Variants in KIF27 observed in about 807,000 individuals in gnomAD.
KIF27 encodes the protein kinesin family member 27.
Under a neutral mutation model 141.8 loss-of-function variants are expected in KIF27, and 84 were observed. The observed-to-expected ratio is 0.59, with a 90% CI of 0.50 to 0.71. KIF27 has a LOEUF of 0.71. Ranked by LOEUF, KIF27 falls within the 30% of genes least tolerant of loss-of-function variation. The pLI is 0.00. For missense variants in KIF27, 1,306 were observed against 1,628.4 expected (o/e 0.80, Z 3.41); for synonymous variants, 471 against 569.5 (o/e 0.83, Z 2.46).
chr9:83,860,197 A>G (rs1049763015), intron 13 of KIF27: 4 of 152,192 alleles, frequency 2.6e-5, no homozygotes, highest in African/African-American at 9.6e-5. Context: ...TTATTTGTAT[A>G]TACTACCATA....
At position 83,853,691 on chromosome 9, in the gene KIF27, C is replaced by T; in HGVS notation, c.3295G>A (p.Glu1099Lys). The T allele has an allele frequency of 6.2e-7, 1 of 1,613,872 alleles. No individual in the cohort carries two copies. Among genetic ancestry groups the T allele is most frequent in the Non-Finnish European group, 8.5e-7 (1 of 1,179,812 alleles). Residue 1099 changes from glutamate to lysine, a missense_variant, in exon 15 of 18, where the codon GAA becomes AAA. This residue lies in a region of KIF27 where 596 missense variants were observed against 751.6 expected (regional missense o/e 0.79). Coordinates refer to ENST00000297814, the MANE Select transcript of KIF27 (RefSeq NM_017576.4). ...ACAGGACTCAGGCAAGCTAGCTTTTCCAAGACATTTGCTTCACCACGAGAG... is the reference window on the plus strand; with the variant it reads ...ACAGGACTCAGGCAAGCTAGCTTTTTCAAGACATTTGCTTCACCACGAGAG... ...NLSRGEANVLEKLACLSPVEI... is the reference protein window; with the variant it reads ...NLSRGEANVLKKLACLSPVEI...
intron 2 of KIF27, among the ~76,000 whole-genome samples, chr9:83,908,922 T>G (rs1383863655): frequency 6.6e-6 from 1 of 152,012 alleles, no homozygotes; most frequent in Non-Finnish European, 1.5e-5. Flanking sequence ...ACCAGGCTAT[T>G]ATAACTCTTT....
rs184212344 is a variant in KIF27, at chr9:83,915,354, C to G, written c.238G>C (p.Val80Leu). The G allele has an allele frequency of 5.4e-5, 87 of 1,613,778 alleles. 1 individual carries two copies. The highest frequency in any genetic ancestry group is 3.3e-5 in the Non-Finnish European group (39 of 1,179,786). ...LSLIEGYNATVFAYGQTGSGK... is the reference protein window; with the variant it reads ...LSLIEGYNATLFAYGQTGSGK... The stretch of plus-strand genomic sequence containing the variant: ...GATCCAGTTTGTCCATAGGCAAAAA[C>G]AGTTGCATTATAGCCCTCAATGAGT... The change falls in exon 2 of 18, where the codon GTT (valine) becomes CTT (leucine). Residue 80 changes from valine (V) to leucine (L), a missense_variant. By Grantham distance (32) the Val-to-Leu change is conservative. Coordinates refer to ENST00000297814, the MANE Select transcript of KIF27 (RefSeq NM_017576.4).
intron 2 of KIF27, among the ~76,000 whole-genome samples, chr9:83,911,239 T>C (rs1390347394): frequency 1.3e-5 from 2 of 152,024 alleles, no homozygotes; most frequent in African/African-American, 4.8e-5. Context: ...GCTAATTTTT[T>C]TGTTGCTTTT....
intron 15 of KIF27, 78 bp downstream of exon 15, chr9:83,853,551 A>C (rs965863210): frequency 1.9e-5 from 19 of 979,184 alleles, no homozygotes; most frequent in Non-Finnish European, 2.6e-5. Context: ...AATTTCTTTA[A>C]AAATTCAAAA....
chr9:83,899,556 T>A, intron 5 of KIF27, 105 bp downstream of exon 5: 2 of 857,284 alleles, frequency 2.3e-6, no homozygotes, highest in Non-Finnish European at 3.6e-6. Flanking sequence ...ACTCTTCAAA[T>A]GAACATCCTT....
At chr9:83,910,792 T>C (rs554619571) in intron 2 of KIF27, among the ~76,000 whole-genome samples, 100 of 152,278 alleles carry the variant, frequency 6.6e-4, no homozygotes, top group African/African-American at 2.3e-3. Flanking sequence ...CTCCCACTTG[T>C]TTCAAAAAGG....
intron 3 of KIF27, 52 bp from the exon 4 acceptor site, chr9:83,904,070 A>G: frequency 7.0e-7 from 1 of 1,420,100 alleles, no homozygotes. Context: ...AAAACCTAGT[A>G]TAGTTAACAG....
At chr9:83,846,006 C>G (rs956817773) in intron 16 of KIF27, among the ~76,000 whole-genome samples, 7 of 152,244 alleles carry the variant, frequency 4.6e-5, no homozygotes, top group African/African-American at 1.7e-4. Context: ...CCAGCCACCC[C>G]TGTCATTGCC....
chr9:83,893,855 A>G (rs1266461769), intron 5 of KIF27, among the ~76,000 whole-genome samples: 3 of 152,092 alleles, frequency 2.0e-5, no homozygotes, highest in Admixed American at 1.3e-4. Flanking sequence ...AGACTAATGA[A>G]TTGGTAATTT....
At chr9:83,886,999 A>C in intron 9 of KIF27, 42 bp downstream of exon 9, 2 of 1,492,462 alleles carry the variant, frequency 1.3e-6, no homozygotes, top group Non-Finnish European at 1.8e-6. Context: ...AATTTTAAGA[A>C]GTTTTCTTTC....
intron 16 of KIF27, among the ~76,000 whole-genome samples, chr9:83,846,005 CCT>C (rs1947227232): frequency 2.6e-5 from 4 of 152,254 alleles, no homozygotes; most frequent in South Asian, 4.1e-4. Flanking sequence ...CCCAGCCACC[CCT>C]GTCATTGCCC....
At position 83,850,037 on chromosome 9, in the gene KIF27, A is replaced by G. The variant is rs973367284; in HGVS notation, c.3556+62T>C. 3.8e-5 allele frequency: 52 copies of G among 1,384,338 alleles called. 1 individual carries two copies. In the Admixed American group the frequency reaches 4.1e-4, roughly 11 times the overall value. The allele number at this position is 1,384,338 out of a possible 1,614,324, so 85.8% of individuals were successfully genotyped here. A position where few individuals can be genotyped will look rare whatever the true frequency, so the allele number is the denominator to read the frequency against. ...CTTTTAAGTGATCAAATTCTGTCCT[A>G]TCTTCCTTCAGTACCCACACCTACA... is the stretch of plus-strand genomic sequence containing the variant. On this transcript the variant is annotated intron_variant, in intron 16 of 17. Transcript: ENST00000297814.
chr9:83,885,274 G>A (rs1214686560), intron 9 of KIF27, among the ~76,000 whole-genome samples: 1 of 151,974 alleles, frequency 6.6e-6, no homozygotes, highest in African/African-American at 2.4e-5. Context: ...TGTATTTTTA[G>A]TAGAGACAGG....
At chr9:83,859,689 G>A (rs1316829501) in intron 13 of KIF27, 1 of 257,014 alleles carries the variant, frequency 3.9e-6, no homozygotes, top group Non-Finnish European at 7.5e-6. Flanking sequence ...TCATCACCAT[G>A]TGCAGCTAAT....
intron 9 of KIF27, among the ~76,000 whole-genome samples, chr9:83,885,949 GT>G (rs371251143): frequency 5.3e-4 from 78 of 146,860 alleles, no homozygotes; most frequent in South Asian, 2.1e-3. Context: ...TTTTTGTGTT[GT>G]TTTTTTTTTT....
intron 3 of KIF27, 64 bp downstream of exon 3, chr9:83,908,388 T>C (rs551708382): frequency 1.1e-6 from 1 of 893,982 alleles, no homozygotes; most frequent in Non-Finnish European, 1.7e-6. Flanking sequence ...TCCAGAAACT[T>C]AATTAAAGCA....
intron 2 of KIF27, among the ~76,000 whole-genome samples, chr9:83,908,914 C>A (rs896636926): frequency 6.6e-6 from 1 of 152,124 alleles, no homozygotes; most frequent in African/African-American, 2.4e-5. Flanking sequence ...TGCCCACCAC[C>A]AGGCTATTAT....
chr9:83,908,307 C>A, intron 3 of KIF27, 145 bp downstream of exon 3: 5 of 465,416 alleles, frequency 1.1e-5, no homozygotes, highest in Non-Finnish European at 1.5e-5. Flanking sequence ...AATAATAAAG[C>A]TGTTCAATTT....
Sources: gnomAD v4.1 joint callset for allele counts (sites outside exome capture counted in the v4.1 genomes callset) on GRCh38, gnomAD v4.1.1 for gene constraint, gnomAD v4.1.1 regional missense constraint, MANE v1.5 for transcripts, NCBI Gene and HGNC (gene_info 2026-07-23, HGNC 2026-07-21) for gene names.